WASHC2C: variants seen among roughly 807,000 people sequenced by gnomAD.
WASHC2C encodes the protein Vaccinia Penetration Factor.
A neutral mutation model predicts 142.2 loss-of-function variants in WASHC2C; 73 were observed. The observed-to-expected ratio is 0.51, with a 90% CI of 0.43 to 0.62. WASHC2C has a LOEUF of 0.62. Among genes scored for constraint, WASHC2C ranks in the 20% least tolerant of loss-of-function variants. The probability of loss-of-function intolerance (pLI) is 0.00; values close to 1 mark genes in which losing one functional copy is unlikely to be tolerated. For synonymous variants in WASHC2C, 337 were observed against 565.5 expected (o/e 0.60, Z 5.73); for missense variants, 969 against 1,531.7 (o/e 0.63, Z 6.13).
intron 21 of WASHC2C, among the ~76,000 whole-genome samples, chr10:45,773,943 T>C (rs2056863776): frequency 7.1e-6 from 1 of 140,178 alleles, no homozygotes; most frequent in Non-Finnish European, 1.5e-5. Context: ...TGGTGTAATT[T>C]AAACTTTACA....
At chr10:45,761,186 C>T (rs1554879818) in intron 17 of WASHC2C, among the ~76,000 whole-genome samples, 4 of 151,692 alleles carry the variant, frequency 2.6e-5, no homozygotes, top group Non-Finnish European at 5.9e-5. Flanking sequence ...TGTCTGGTAC[C>T]TGGGCACTGG....
intron 17 of WASHC2C, among the ~76,000 whole-genome samples, chr10:45,759,644 C>A (rs1459428458): frequency 6.6e-6 from 1 of 151,982 alleles, no homozygotes; most frequent in African/African-American, 2.4e-5. Flanking sequence ...CATGATGAAA[C>A]CCTGTCTCTA....
intron 8 of WASHC2C, among the ~76,000 whole-genome samples, chr10:45,748,987 A>G (rs2053197924): frequency 6.6e-6 from 1 of 152,200 alleles, no homozygotes; most frequent in African/African-American, 2.4e-5. Flanking sequence ...GCTTGGTATC[A>G]TCCTGGATTT....
intron 2 of WASHC2C, among the ~76,000 whole-genome samples, chr10:45,728,216 A>T (rs2050123545): frequency 6.6e-6 from 1 of 152,012 alleles, no homozygotes; most frequent in Admixed American, 6.5e-5. Context: ...TTTAGTAGAG[A>T]TGGGGGTCTT....
Position 45,727,401 on chromosome 10 carries a change from GT to G in WASHC2C, c.4-9del, listed in dbSNP as rs750847251. The G allele has an allele frequency of 7.4e-6, 12 of 1,610,930 alleles. No individual in the cohort carries two copies. The East Asian group carries it at 1.8e-4, about 24-fold the overall frequency. ...GCCCTCAGGCTCAGCCTCTCTTCTC[GT>G]TTTTTTCGCTGCAGATGAACCGGAC... is the stretch of plus-strand genomic sequence containing the variant. On this transcript the variant is annotated splice_polypyrimidine_tract_variant and intron_variant, in intron 1 of 30. Coordinates refer to ENST00000623400, the MANE Select transcript of WASHC2C (RefSeq NM_001330074.2).
At chr10:45,743,260 G>C in intron 5 of WASHC2C, 130 bp from the exon 6 acceptor site, 3 of 1,462,180 alleles carry the variant, frequency 2.1e-6, no homozygotes, top group Admixed American at 3.6e-5. Context: ...TAGTCCTGCT[G>C]TGTTTCTTAT....
chr10:45,784,295 TATATATATATATATATAC>T (rs2057846548), intron 23 of WASHC2C, among the ~76,000 whole-genome samples: 1 of 44,468 alleles, frequency 2.2e-5, no homozygotes, highest in Non-Finnish European at 4.4e-5. Context: ...TATATACACA[TATATATATATATATATAC>T]ACACACATAT....
At chr10:45,789,952 G>C (rs1184547910) in intron 29 of WASHC2C, among the ~76,000 whole-genome samples, 1 of 152,194 alleles carries the variant, frequency 6.6e-6, no homozygotes, top group Admixed American at 6.5e-5. Flanking sequence ...AGCACCTGGG[G>C]ACTGCAGGCA....
rs1482249757 is a variant in WASHC2C, at chr10:45,790,414, A to C, written c.3767A>C (p.Lys1256Thr). The part of the protein sequence containing the change: ...KPSQKTREKE[K>T]TLESNLFDDN... ...TCTCAGAAAACCAGAGAGAAGGAGA[A>C]AACATTGGAATCTAATTTATTTGAT... The change falls in exon 30 of 31, where the codon AAA (lysine) becomes ACA (threonine). Residue 1256 changes from lysine to threonine, a missense_variant. Lys to Thr is a moderately conservative substitution (Grantham distance 78). Coordinates refer to ENST00000623400, the MANE Select transcript of WASHC2C (RefSeq NM_001330074.2). 197 of 1,611,084 alleles carry C rather than the reference A, an allele frequency of 1.2e-4. No individual in the cohort carries two copies. Among genetic ancestry groups the C allele is most frequent in the Non-Finnish European group, 1.6e-4 (193 of 1,179,556 alleles).
At chr10:45,756,959 T>G in intron 15 of WASHC2C, 53 bp from the exon 16 acceptor site, 1 of 1,458,008 alleles carries the variant, frequency 6.9e-7, no homozygotes, top group Non-Finnish European at 9.2e-7. Flanking sequence ...CTGTGAATTT[T>G]GTGATAGGAT....
rs1221755656 is a variant in WASHC2C at position 45,787,075 on chromosome 10, C to T, written c.2915C>T (p.Ala972Val). ...AACCCAGCGGCCTTGCTGCCCACAG[C>T]GGCTTCCCAGATCTCTGAAGTAAAG... The part of the protein sequence containing the change: ...AINPAALLPT[A>V]ASQISEVKPV... Residue 972 changes from alanine to valine, a missense_variant, in exon 28 of 31, where the codon GCG becomes GTG. Transcript: ENST00000623400. The T allele has an allele frequency of 7.5e-6, 12 of 1,608,744 alleles. No homozygotes were observed. Among genetic ancestry groups the T allele is most frequent in the Admixed American group, 5.0e-5 (3 of 59,648 alleles).
chr10:45,733,279 A>G (rs1332573354), intron 3 of WASHC2C, among the ~76,000 whole-genome samples: 8 of 152,388 alleles, frequency 5.2e-5, no homozygotes, highest in Non-Finnish European at 1.2e-4. Flanking sequence ...TTTAACAACA[A>G]ATATATTTGA....
At chr10:45,764,488 G>A (rs1157319872) in intron 18 of WASHC2C, among the ~76,000 whole-genome samples, 1 of 150,420 alleles carries the variant, frequency 6.6e-6, no homozygotes, top group East Asian at 2.0e-4. Context: ...AGAATGTTTT[G>A]GATCAAGTGG....
chr10:45,786,376 G>A, intron 26 of WASHC2C: 1 of 614,090 alleles, frequency 1.6e-6, no homozygotes, highest in Non-Finnish European at 2.9e-6. Flanking sequence ...TACTCATCTT[G>A]TATTCCTTGA....
intron 5 of WASHC2C, among the ~76,000 whole-genome samples, chr10:45,742,744 T>C (rs1333671531): frequency 6.6e-6 from 1 of 152,000 alleles, no homozygotes; most frequent in South Asian, 2.1e-4. Flanking sequence ...TACTAGGAGG[T>C]TGTACCCTTT....
intron 21 of WASHC2C, among the ~76,000 whole-genome samples, chr10:45,775,699 T>C (rs2057007515): frequency 6.6e-6 from 1 of 151,962 alleles, no homozygotes; most frequent in Admixed American, 6.6e-5. Flanking sequence ...TTTTTTTTTT[T>C]TGAGACGGAG....
intron 21 of WASHC2C, among the ~76,000 whole-genome samples, chr10:45,773,562 G>A (rs1448634805): frequency 6.6e-6 from 1 of 152,294 alleles, no homozygotes; most frequent in Admixed American, 6.5e-5. Context: ...TCAGTGTCAG[G>A]TGTAGGCACA....
rs528601351 is a variant in WASHC2C, at chr10:45,751,975, C to T, written c.1003+422C>T. Among the ~76,000 whole-genome samples the T allele has an allele frequency of 1.8e-3, 275 of 152,172 alleles. 2 individuals carry two copies. The highest frequency in any genetic ancestry group is 5.1e-3 in the African/African-American group (210 of 41,506). ...CCGGGTGATGGTGCGAGACTCCATC[C>T]CAAAAACAAACAGAAGCCTTGGAAG... is the stretch of plus-strand genomic sequence containing the variant. On this transcript the variant is annotated intron_variant, in intron 11 of 30. Coordinates refer to ENST00000623400, the MANE Select transcript of WASHC2C (RefSeq NM_001330074.2).
At chr10:45,784,244 GTGTGTGTGTATATATATA>G (rs2057750590) in intron 23 of WASHC2C, among the ~76,000 whole-genome samples, 3 of 38,934 alleles carry the variant, frequency 7.7e-5, no homozygotes, top group Admixed American at 3.4e-4. Context: ...ATATATATGT[GTGTGTGTGTATATATATA>G]TATATATATA....
Sources: allele counts gnomAD v4.1 joint callset (sites outside exome capture counted in the v4.1 genomes callset), GRCh38; gene constraint gnomAD v4.1.1; transcripts MANE v1.5; gene names NCBI Gene and HGNC (gene_info 2026-07-23, HGNC 2026-07-21).